The following SLFN14 variants were observed in gnomAD, a reference collection of about 807,000 sequenced individuals.
The protein encoded by SLFN14 is protein SLFN14.
A neutral mutation model predicts 58.6 loss-of-function variants in SLFN14; 47 were observed. The ratio of observed to expected loss-of-function variants is 0.80; its 90% confidence interval spans 0.64 to 1.02. SLFN14 has a LOEUF of 1.02. SLFN14 is among the 50% of genes least tolerant of loss of function. The pLI is 0.00. For synonymous variants in SLFN14, 390 were observed against 387.3 expected (o/e 1.01, Z -0.08); for missense variants, 967 against 1,078.4 (o/e 0.90, Z 1.45).
chr17:35,554,453 A>T, intron 4 of SLFN14, 123 bp downstream of exon 4: 1 of 442,952 alleles, frequency 2.3e-6, no homozygotes, highest in Non-Finnish European at 3.4e-6. Flanking sequence ...CAGGATCATT[A>T]TGTCGCTAAG....
chr17:35,558,160 C>A, intron 2 of SLFN14, 54 bp from the exon 3 acceptor site: 1 of 1,107,636 alleles, frequency 9.0e-7, no homozygotes, highest in Non-Finnish European at 1.3e-6. Flanking sequence ...CCAAAGATTA[C>A]AATATTTTCT....
At chr17:35,555,861 A>T (rs1382216887) in intron 3 of SLFN14, among the ~76,000 whole-genome samples, 1 of 151,538 alleles carries the variant, frequency 6.6e-6, no homozygotes, top group Admixed American at 6.6e-5. Context: ...TCCCCCCAGC[A>T]CCCCCTTGCC....
At chr17:35,558,212 G>T in intron 2 of SLFN14, 106 bp from the exon 3 acceptor site, 1 of 752,922 alleles carries the variant, frequency 1.3e-6, no homozygotes, top group Non-Finnish European at 2.1e-6. Context: ...AATGTTGGAA[G>T]TCATCTCTCT....
In SLFN14 at chr17:35,548,921, G is replaced by A. The variant is rs571469248; in HGVS notation, c.2057C>T (p.Ala686Val). 8 of 1,551,662 alleles carry A rather than the reference G, an allele frequency of 5.2e-6. No individual in the cohort carries two copies. In the African/African-American group the frequency reaches 5.5e-5, roughly 11 times the overall value. The change falls in exon 6 of 6, where the codon GCG becomes GTG. Residue 686 changes from alanine (A) to valine (V), a missense_variant. Physicochemically the swap from Ala to Val is moderately conservative, Grantham distance 64. Coordinates refer to ENST00000674182, the MANE Select transcript of SLFN14 (RefSeq NM_001129820.2). ...AAGGTTTTCACTTCCAGTCCCCTTC[G>A]CCTTTGGATGGGTGATGTTCTTAGC... ...MKAKNITHPK[A>V]KGTGSENLHH...
In SLFN14 at chr17:35,552,921, G is replaced by C; in HGVS notation, c.1713C>G (p.Leu571=). 6.4e-7 allele frequency: 1 copy of C among 1,551,538 alleles called. No homozygotes were observed. The highest frequency in any genetic ancestry group is 8.7e-7 in the Non-Finnish European group (1 of 1,146,978). ...AAAGCAACTGGCTCTGCTCCATTAT[G>C]AGCAAGTTGAAAAATTCACAGCCCA... The part of the protein sequence containing the change: ...DQMGCEFFNL[L]IMEQSQLLSE... Residue 571 remains leucine, a synonymous_variant, in exon 5 of 6, where the codon CTC becomes CTG. Transcript: ENST00000674182.
rs2072546130 is a variant in SLFN14, at chr17:35,547,852, C to A, written c.*387G>T. On this transcript the variant is annotated 3_prime_UTR_variant, in exon 6 of 6. Coordinates refer to ENST00000674182, the MANE Select transcript of SLFN14 (RefSeq NM_001129820.2). ...ATGTGGTTGGGAGAGCAAGTCAGGG[C>A]ATATTAATGAAAGCCTTGAAAATTG... Among the ~76,000 whole-genome samples the A allele has an allele frequency of 6.6e-6, 1 of 152,138 alleles. No homozygotes were observed. The highest frequency in any genetic ancestry group is 1.5e-5 in the Non-Finnish European group (1 of 68,024).
At chr17:35,549,180 G>A (rs2072562063) in intron 5 of SLFN14, 107 bp from the exon 6 acceptor site, 1 of 860,612 alleles carries the variant, frequency 1.2e-6, no homozygotes, top group Non-Finnish European at 1.8e-6. Context: ...TGCAGGCTGA[G>A]TCATTGATTC....
Position 35,548,913 on chromosome 17 carries a change from T to C in SLFN14, c.2065A>G (p.Thr689Ala). Residue 689 changes from threonine to alanine, a missense_variant, in exon 6 of 6, where the codon ACT becomes GCT. Physicochemically the swap from Thr to Ala is moderately conservative, Grantham distance 58. Coordinates refer to ENST00000674182, the MANE Select transcript of SLFN14 (RefSeq NM_001129820.2). ...KNITHPKAKG[T>A]GSENLHHGIL... Reference sequence around the variant, plus strand: ...CCATGGTGAAGGTTTTCACTTCCAGTCCCCTTCGCCTTTGGATGGGTGATG... The same window carrying C: ...CCATGGTGAAGGTTTTCACTTCCAGCCCCCTTCGCCTTTGGATGGGTGATG... 1 of 1,551,724 alleles carries C rather than the reference T, an allele frequency of 6.4e-7. No homozygotes were observed. Among genetic ancestry groups the C allele is most frequent in the African/African-American group, 1.4e-5 (1 of 73,180 alleles).
At chr17:35,551,127 A>T (rs2072582132) in intron 5 of SLFN14, among the ~76,000 whole-genome samples, 1 of 152,232 alleles carries the variant, frequency 6.6e-6, no homozygotes, top group Non-Finnish European at 1.5e-5. Flanking sequence ...ATTATAAATT[A>T]CCTGTTTACA....
rs1286034452 is a variant in SLFN14 at position 35,547,245 on chromosome 17, G to C, written c.*994C>G. On this transcript the variant is annotated 3_prime_UTR_variant, in exon 6 of 6. Coordinates refer to ENST00000674182, the MANE Select transcript of SLFN14 (RefSeq NM_001129820.2). ...TAGCATTCTAAATTTGCTTTAGCTT[G>C]TAAACTGTAAACTAATTTGTCTAGT... Among the ~76,000 whole-genome samples the C allele has an allele frequency of 1.3e-5, 2 of 152,152 alleles. No individual in the cohort carries two copies. The highest frequency in any genetic ancestry group is 2.4e-5 in the African/African-American group (1 of 41,442).
At position 35,553,052 on chromosome 17, in the gene SLFN14, G is replaced by A. The variant is rs2072611761; in HGVS notation, c.1582C>T (p.Arg528Cys). The change falls in exon 5 of 6, where the codon CGT (arginine) becomes TGT (cysteine). Residue 528 changes from arginine to cysteine, a missense_variant. By Grantham distance (180) the Arg-to-Cys change is radical (BLOSUM62 -3). Transcript: ENST00000674182. ...GCAAGCCTGTAGGACCTGGGGTAACGCAGGGGGATCTCACCAGGTCTACTC... is the reference window on the plus strand; with the variant it reads ...GCAAGCCTGTAGGACCTGGGGTAACACAGGGGGATCTCACCAGGTCTACTC... ...TQSRPGEIPL[R>C]YPRSYRLADE... 5.2e-6 allele frequency: 8 copies of A among 1,551,612 alleles called. No homozygotes were observed. The highest frequency in any genetic ancestry group is 6.1e-6 in the Non-Finnish European group (7 of 1,146,974).
rs2072553270 is a variant in SLFN14, at chr17:35,548,507, T to C, written c.2471A>G (p.Asp824Gly). ...TAGTGCAAGCCTATAGCGTCCTCTG[T>C]CCTCCCCTCTCCTGCACAGAATTGC... ...DIAILCRRGE[D>G]RGRYRLALLK... The change falls in exon 6 of 6, where the codon GAC becomes GGC. Residue 824 changes from aspartate (D) to glycine (G), a missense_variant. Transcript: ENST00000674182. 1.9e-6 allele frequency: 3 copies of C among 1,551,710 alleles called. No homozygotes were observed. Among genetic ancestry groups the C allele is most frequent in the Non-Finnish European group, 2.6e-6 (3 of 1,146,984 alleles).
chr17:35,549,852 T>C (rs964109726), intron 5 of SLFN14, among the ~76,000 whole-genome samples: 3 of 152,200 alleles, frequency 2.0e-5, no homozygotes, highest in African/African-American at 7.2e-5. Flanking sequence ...TTGGACTGTG[T>C]GGACTCAAAT....
In SLFN14 at chr17:35,552,764, CAT is replaced by C. The variant is rs2072607645; in HGVS notation, c.1868_1869del (p.Tyr623CysfsTer3). On this transcript the variant is annotated frameshift_variant, in exon 5 of 6. Coordinates refer to ENST00000674182, the MANE Select transcript of SLFN14 (RefSeq NM_001129820.2). LOFTEE classifies it low-confidence loss of function (END_TRUNC). ...TCCTTTAGGGAGTCGCTTTCACAAA[CAT>C]AGAGGATCTCTTTTGGTTTGCAGTG... The part of the protein sequence containing the change: ...LFHCKPKEIL[Y>X]VCESDSLKDF... The C allele has an allele frequency of 6.5e-7, 1 of 1,540,130 alleles. No individual in the cohort carries two copies. The highest frequency in any genetic ancestry group is 8.8e-7 in the Non-Finnish European group (1 of 1,141,130).
rs888053807 is a variant in SLFN14, at chr17:35,559,759, T to C, written c.-77A>G. On this transcript the variant is annotated 5_prime_UTR_variant, in exon 2 of 6. It removes an upstream start codon present in the reference 5' UTR. Transcript: ENST00000674182. Reference sequence around the variant, plus strand: ...AAGAAAGCAGGCATCCGGCAAGACATGTGCACTCCCCTGATATCAATTTGT... The same window carrying C: ...AAGAAAGCAGGCATCCGGCAAGACACGTGCACTCCCCTGATATCAATTTGT... 2.0e-5 allele frequency among the ~76,000 whole-genome samples: 3 copies of C among 152,128 alleles called. No homozygotes were observed. The highest frequency in any genetic ancestry group is 4.8e-5 in the African/African-American group (2 of 41,426).
chr17:35,550,450 G>A (rs2072575479), intron 5 of SLFN14, among the ~76,000 whole-genome samples: 1 of 152,196 alleles, frequency 6.6e-6, no homozygotes, highest in Non-Finnish European at 1.5e-5. Flanking sequence ...GGAGGCTGAG[G>A]CAAGAGAATC....
chr17:35,548,445 A>G lies in SLFN14; in HGVS notation c.2533T>C (p.Ser845Pro). The change falls in exon 6 of 6, where the codon TCA becomes CCA. Residue 845 changes from serine to proline, a missense_variant. Coordinates refer to ENST00000674182, the MANE Select transcript of SLFN14 (RefSeq NM_001129820.2). ...GTGGCCGGGCTAAACACAACCTCTGATGGTCTGTGGGTCTCAATTAATTCC... is the reference window on the plus strand; with the variant it reads ...GTGGCCGGGCTAAACACAACCTCTGGTGGTCTGTGGGTCTCAATTAATTCC... ...AMELIETHRP[S>P]EVVFSPATGV... 6.4e-7 allele frequency: 1 copy of G among 1,551,720 alleles called. No individual in the cohort carries two copies. The highest frequency in any genetic ancestry group is 8.7e-7 in the Non-Finnish European group (1 of 1,146,998).
rs1233366270 is a variant in SLFN14 at position 35,557,941 on chromosome 17, T to G, written c.122A>C (p.Glu41Ala). The part of the protein sequence containing the change: ...KMTNSCLKRS[E>A]NSRIIRAICA... The stretch of plus-strand genomic sequence containing the variant: ...TATAGCCCGGATAATTCTAGAATTC[T>G]CAGATCTTTTCAAACAGCTGTTGGT... Residue 41 changes from glutamate (E) to alanine (A), a missense_variant, in exon 3 of 6, where the codon GAG (glutamate) becomes GCG (alanine). Transcript: ENST00000674182. 1.9e-6 allele frequency: 3 copies of G among 1,551,598 alleles called. No individual in the cohort carries two copies. Among genetic ancestry groups the G allele is most frequent in the Non-Finnish European group, 2.6e-6 (3 of 1,147,014 alleles).
rs1242945171 is a variant in SLFN14, at chr17:35,544,875, A to T, written c.*3364T>A. 6.6e-6 allele frequency among the ~76,000 whole-genome samples: 1 copy of T among 152,166 alleles called. No individual in the cohort carries two copies. The highest frequency in any genetic ancestry group is 1.5e-5 in the Non-Finnish European group (1 of 68,022). ...GCCTTTCTCCATTTCCGAAGCTTCC[A>T]TGATAATATTATATTACCCTTCTTT... On this transcript the variant is annotated 3_prime_UTR_variant, in exon 6 of 6. Transcript: ENST00000674182.
Sources: gnomAD v4.1 joint callset for allele counts (sites outside exome capture counted in the v4.1 genomes callset) on GRCh38, gnomAD v4.1.1 for gene constraint, MANE v1.5 for transcripts, NCBI Gene and HGNC (gene_info 2026-07-23, HGNC 2026-07-21) for gene names.